RFWD3: variants seen among roughly 807,000 people sequenced by gnomAD.
RFWD3 encodes ring finger and WD repeat domain 3.
A neutral mutation model predicts 87.7 loss-of-function variants in RFWD3; 65 were observed. That is an observed-to-expected ratio of 0.74 (90% CI 0.61 to 0.91). RFWD3 has a LOEUF of 0.91. RFWD3 is among the 40% of genes least tolerant of loss of function. RFWD3 has a pLI of 0.00. For synonymous variants in RFWD3, 433 were observed against 352.8 expected (o/e 1.23, Z -2.55); for missense variants, 1,078 against 938.5 (o/e 1.15, Z -1.94).
intron 2 of RFWD3, among the ~76,000 whole-genome samples, chr16:74,655,793 TG>T (rs1215241652): frequency 1.3e-5 from 2 of 152,178 alleles, no homozygotes; most frequent in African/African-American, 4.8e-5. Context: ...CCCAAAGTGC[TG>T]GGATTACAGG....
At chr16:74,660,667 G>A (rs1417976561) in intron 2 of RFWD3, 3 of 366,440 alleles carry the variant, frequency 8.2e-6, no homozygotes, top group Non-Finnish European at 1.5e-5. Flanking sequence ...AATTTTTGGT[G>A]TACAAGACAC....
intron 4 of RFWD3, among the ~76,000 whole-genome samples, chr16:74,646,390 T>G (rs1009425108): frequency 1.3e-5 from 2 of 152,104 alleles, no homozygotes; most frequent in African/African-American, 4.8e-5. Context: ...AAGTTCAGTG[T>G]AGCATGATTT....
intron 2 of RFWD3, among the ~76,000 whole-genome samples, chr16:74,658,765 AATT>A (rs1961196153): frequency 1.4e-5 from 2 of 147,838 alleles, no homozygotes; most frequent in Admixed American, 1.4e-4. Flanking sequence ...CAGATTCTAT[AATT>A]TTTTTTTTTT....
At chr16:74,631,362 C>T (rs1959088030) in intron 9 of RFWD3, among the ~76,000 whole-genome samples, 1 of 152,022 alleles carries the variant, frequency 6.6e-6, no homozygotes, top group South Asian at 2.1e-4. Context: ...ATCCCAGCTA[C>T]TCGGGAGGCT....
At chr16:74,644,237 C>T in intron 6 of RFWD3, 125 bp downstream of exon 6, 1 of 848,874 alleles carries the variant, frequency 1.2e-6, no homozygotes, top group Non-Finnish European at 2.0e-6. Context: ...TGCCAATGAT[C>T]CCCAGAGATC....
At chr16:74,659,616 G>C (rs1961272584) in intron 2 of RFWD3, among the ~76,000 whole-genome samples, 2 of 149,534 alleles carry the variant, frequency 1.3e-5, no homozygotes, top group Admixed American at 1.3e-4. Context: ...AAAAAACCCA[G>C]AGTAATATGC....
chr16:74,645,149 T>A (rs1960021423), intron 4 of RFWD3, among the ~76,000 whole-genome samples: 1 of 152,232 alleles, frequency 6.6e-6, no homozygotes, highest in Non-Finnish European at 1.5e-5. Context: ...GAGACCATTT[T>A]TCATCTATCA....
chr16:74,654,269 G>C (rs780338584), intron 2 of RFWD3, among the ~76,000 whole-genome samples: 1 of 151,876 alleles, frequency 6.6e-6, no homozygotes, highest in Admixed American at 6.6e-5. Context: ...CCAACTTTTT[G>C]ATTCGTTCAT....
chr16:74,652,454 G>A (rs1372508844), intron 2 of RFWD3, among the ~76,000 whole-genome samples: 1 of 152,110 alleles, frequency 6.6e-6, no homozygotes, highest in Non-Finnish European at 1.5e-5. Flanking sequence ...TGGCTGAAAA[G>A]GGAGGGTTAG....
chr16:74,624,971 G>A (rs1027443699), intron 12 of RFWD3, among the ~76,000 whole-genome samples: 2 of 151,674 alleles, frequency 1.3e-5, no homozygotes, highest in African/African-American at 4.8e-5. Context: ...CCTGGACCGA[G>A]TAAGATACTG....
intron 2 of RFWD3, among the ~76,000 whole-genome samples, chr16:74,659,444 C>T (rs973191793): frequency 6.6e-6 from 1 of 152,054 alleles, no homozygotes; most frequent in African/African-American, 2.4e-5. Flanking sequence ...AAACAACAGA[C>T]TATAGCCAAG....
intron 11 of RFWD3, among the ~76,000 whole-genome samples, chr16:74,627,928 G>A (rs977069205): frequency 6.6e-6 from 1 of 152,196 alleles, no homozygotes; most frequent in African/African-American, 2.4e-5. Flanking sequence ...GATTCATGCC[G>A]CTTAGCCTAG....
At chr16:74,663,115 AG>A (rs1961592317) in intron 1 of RFWD3, among the ~76,000 whole-genome samples, 1 of 152,046 alleles carries the variant, frequency 6.6e-6, no homozygotes, top group South Asian at 2.1e-4. Flanking sequence ...TGTGTTAGCC[AG>A]GATGGTCTCG....
rs189976363 is a variant in RFWD3 at position 74,633,481 on chromosome 16, T to C, written c.1427-808A>G. Among the ~76,000 whole-genome samples, 365 of 152,176 alleles carry C rather than the reference T, an allele frequency of 2.4e-3. 5 individuals are homozygous for C. The highest frequency in any genetic ancestry group is 0.015 in the South Asian group (70 of 4,814). The stretch of plus-strand genomic sequence containing the variant: ...TACTAATATATACAATAAAAAATTA[T>C]GCAGCGAGAAAGAAGTCAGACCAAA... On this transcript the variant is annotated intron_variant, in intron 8 of 12. Transcript: ENST00000361070.
chr16:74,636,851 C>G (rs1319409461), intron 7 of RFWD3, among the ~76,000 whole-genome samples: 1 of 151,748 alleles, frequency 6.6e-6, no homozygotes, highest in Non-Finnish European at 1.5e-5. Flanking sequence ...GCTGGGATTA[C>G]ATGCACCCAC....
chr16:74,666,220 A>AGATAGATAGATAGATT (rs1195587029), intron 1 of RFWD3: 29 of 142,954 alleles, frequency 2.0e-4, no homozygotes, highest in African/African-American at 7.3e-4. Context: ...ATAGATAGAT[A>AGATAGATAGATAGATT]GATTGATTAG....
chr16:74,649,299 G>C, intron 3 of RFWD3, 97 bp from the exon 4 acceptor site: 1 of 777,156 alleles, frequency 1.3e-6, no homozygotes, highest in Non-Finnish European at 2.1e-6. Flanking sequence ...ACTCACTACA[G>C]CTTCCCATTT....
At chr16:74,659,984 G>A (rs1180459517) in intron 2 of RFWD3, among the ~76,000 whole-genome samples, 2 of 152,304 alleles carry the variant, frequency 1.3e-5, no homozygotes, top group East Asian at 1.9e-4. Flanking sequence ...AGCCTGGGGA[G>A]GTCGAGGCTG....
intron 10 of RFWD3, among the ~76,000 whole-genome samples, chr16:74,629,271 T>G (rs1443701259): frequency 6.6e-6 from 1 of 152,236 alleles, no homozygotes; most frequent in Non-Finnish European, 1.5e-5. Context: ...CTACTTTGCC[T>G]GTTTTATTTT....
Sources: gnomAD v4.1 joint callset for allele counts (sites outside exome capture counted in the v4.1 genomes callset) on GRCh38, gnomAD v4.1.1 for gene constraint, MANE v1.5 for transcripts, NCBI Gene and HGNC (gene_info 2026-07-23, HGNC 2026-07-21) for gene names.